Variants in PDIA2 observed in about 807,000 individuals in gnomAD.
PDIA2 encodes protein disulfide isomerase family A member 2.
A neutral mutation model predicts 51.1 loss-of-function variants in PDIA2; 76 were observed. The observed-to-expected ratio is 1.49, with a 90% CI of 1.24 to 1.80. The LOEUF is 1.80. Among genes scored for constraint, PDIA2 ranks in the 40% most tolerant of loss-of-function variants. PDIA2 has a pLI of 0.00. For missense variants in PDIA2, 946 were observed against 706.5 expected, an observed-to-expected ratio of 1.34 and a Z score of -3.84; for synonymous variants, 429 against 309.9, an observed-to-expected ratio of 1.38 and a Z score of -4.04.
In PDIA2 at chr16:285,313, C is replaced by T. The variant is rs147960863; in HGVS notation, c.797C>T (p.Thr266Met). The change falls in exon 6 of 11, where the codon ACG becomes ATG. Residue 266 changes from threonine to methionine, a missense_variant and splice_region_variant. Physicochemically the swap from Thr to Met is moderately conservative, Grantham distance 81. Coordinates refer to ENST00000219406, the MANE Select transcript of PDIA2 (RefSeq NM_006849.4). ...MRLVTEFNSQTSAKIFAARIL... is the reference protein window; with the variant it reads ...MRLVTEFNSQMSAKIFAARIL... The stretch of plus-strand genomic sequence containing the variant: ...TCATGAGCACCCTCCCTACTGTAGA[C>T]GTCTGCCAAGATCTTCGCGGCCAGG... 61 of 1,612,748 alleles carry T rather than the reference C, an allele frequency of 3.8e-5. No individual in the cohort carries two copies. Among genetic ancestry groups the T allele is most frequent in the Admixed American group, 1.2e-4 (7 of 59,990 alleles).
Position 285,709 on chromosome 16 carries a change from C to T in PDIA2, c.1119+6C>T. ...TCCTCAACGGCCAAGTCAAGGTCCG[C>T]TGCAGACTGCTCATAATGGAAGGGG... On this transcript the variant is annotated splice_donor_region_variant and intron_variant, in intron 7 of 10. Transcript: ENST00000219406. 1 of 1,611,724 alleles carries T rather than the reference C, an allele frequency of 6.2e-7. No homozygotes were observed. The highest frequency in any genetic ancestry group is 8.5e-7 in the Non-Finnish European group (1 of 1,179,406).
At chr16:284,816 C>G (rs567851675) in intron 3 of PDIA2, 24 bp downstream of exon 3, 1 of 1,590,398 alleles carries the variant, frequency 6.3e-7, no homozygotes, top group South Asian at 1.1e-5. Context: ...CATGGGGGGC[C>G]GGGCCATGAG....
In PDIA2 at chr16:286,537, A is replaced by G. The variant is rs1421995500; in HGVS notation, c.1241-17A>G. ...AGGGGCTGCCCAGATGGCTGTGCTC[A>G]ACGGCTCCCATCCTAGATGCCCCGT... On this transcript the variant is annotated splice_polypyrimidine_tract_variant and intron_variant, in intron 8 of 10. Transcript: ENST00000219406. 5 of 1,612,236 alleles carry G rather than the reference A, an allele frequency of 3.1e-6. No individual in the cohort carries two copies. Among genetic ancestry groups the G allele is most frequent in the Admixed American group, 1.7e-5 (1 of 59,952 alleles).
In PDIA2 at chr16:287,070, A is replaced by C. The variant is rs199996785; in HGVS notation, c.1535A>C (p.Glu512Ala). 2 of 1,612,708 alleles carry C rather than the reference A, an allele frequency of 1.2e-6. No individual in the cohort carries two copies. Among genetic ancestry groups the C allele is most frequent in the Admixed American group, 3.3e-5 (2 of 60,020 alleles). ...PPEEPAAPFP[E>A]PPANSTMGSK... The stretch of plus-strand genomic sequence containing the variant: ...AGCTGCACTTGTGACCCTTTCTAGG[A>C]GCCACCGGCCAACTCCACTATGGGG... The change falls in exon 11 of 11, where the codon GAG becomes GCG. Residue 512 changes from glutamate (E) to alanine (A), a missense_variant and splice_region_variant. Coordinates refer to ENST00000219406, the MANE Select transcript of PDIA2 (RefSeq NM_006849.4).
rs758749924 is a variant in PDIA2 at position 285,345 on chromosome 16, A to G, written c.829A>G (p.Asn277Asp). ...SAKIFAARIL[N>D]HLLLFVNQTL... ...CAAGATCTTCGCGGCCAGGATCCTC[A>G]ACCACCTGCTGCTGTTTGTCAACCA... The change falls in exon 6 of 11, where the codon AAC (asparagine) becomes GAC (aspartate). Residue 277 changes from asparagine (N) to aspartate (D), a missense_variant. By Grantham distance (23) the Asn-to-Asp change is conservative. Transcript: ENST00000219406. 2 of 1,612,852 alleles carry G rather than the reference A, an allele frequency of 1.2e-6. No individual in the cohort carries two copies. Among genetic ancestry groups the G allele is most frequent in the South Asian group, 2.2e-5 (2 of 91,070 alleles).
At position 285,335 on chromosome 16, in the gene PDIA2, C is replaced by A. The variant is rs1247381591; in HGVS notation, c.819C>A (p.Ala273=). The part of the protein sequence containing the change: ...NSQTSAKIFA[A]RILNHLLLFV... ...AGACGTCTGCCAAGATCTTCGCGGC[C>A]AGGATCCTCAACCACCTGCTGCTGT... is the stretch of plus-strand genomic sequence containing the variant. The change falls in exon 6 of 11, where the codon GCC becomes GCA. Residue 273 remains alanine, a synonymous_variant. Coordinates refer to ENST00000219406, the MANE Select transcript of PDIA2 (RefSeq NM_006849.4). 1 of 1,612,732 alleles carries A rather than the reference C, an allele frequency of 6.2e-7. No homozygotes were observed. Among genetic ancestry groups the A allele is most frequent in the Admixed American group, 1.7e-5 (1 of 59,964 alleles).
At position 285,095 on chromosome 16, in the gene PDIA2, G is replaced by A. The variant is rs202013146; in HGVS notation, c.690G>A (p.Gly230=). 281 of 1,613,032 alleles carry A rather than the reference G, an allele frequency of 1.7e-4. 2 individuals are homozygous for A. In the Admixed American group the frequency reaches 4.5e-3, roughly 26 times the overall value. ...CTGCTGCTGTCCAGTTTGATGAGGG[G>A]CGGGCAGACTTCCCCGTGGACGAGG... ...TVVLFKKFDE[G]RADFPVDEEL... The change falls in exon 5 of 11, where the codon GGG becomes GGA. Residue 230 remains glycine, a synonymous_variant. Coordinates refer to ENST00000219406, the MANE Select transcript of PDIA2 (RefSeq NM_006849.4).
At position 284,452 on chromosome 16, in the gene PDIA2, G is replaced by A. The variant is rs1232202844; in HGVS notation, c.265G>A (p.Ala89Thr). The change falls in exon 2 of 11, where the codon GCG (alanine) becomes ACG (threonine). Residue 89 changes from alanine to threonine, a missense_variant. Physicochemically the swap from Ala to Thr is moderately conservative, Grantham distance 58. Transcript: ENST00000219406. ...GTACAGCAAGGCAGCTGCCGTGCTC[G>A]CGGCCGAGTCAATGGTGGTCACGCT... ...PEYSKAAAVL[A>T]AESMVVTLAK... 26 of 1,598,578 alleles carry A rather than the reference G, an allele frequency of 1.6e-5. No homozygotes were observed. Among genetic ancestry groups the A allele is most frequent in the East Asian group, 9.0e-5 (4 of 44,344 alleles).
chr16:284,981 G>A lies in PDIA2; in HGVS notation c.644G>A (p.Gly215Asp). The change falls in exon 4 of 11, where the codon GGC becomes GAC. Residue 215 changes from glycine to aspartate, a missense_variant. Physicochemically the swap from Gly to Asp is moderately conservative, Grantham distance 94 (BLOSUM62 -1). Transcript: ENST00000219406. Reference protein sequence around the residue: ...TDRPRLFQQFGLTKDTVVLFK... With the variant: ...TDRPRLFQQFDLTKDTVVLFK... ...CGGCCGCGGCTCTTTCAGCAGTTTG[G>A]CCTCACCAAGGACACTGTGGTTCTC... 1 of 1,613,424 alleles carries A rather than the reference G, an allele frequency of 6.2e-7. No homozygotes were observed. The highest frequency in any genetic ancestry group is 8.5e-7 in the Non-Finnish European group (1 of 1,180,024).
chr16:286,533 G>A lies in PDIA2; in HGVS notation c.1241-21G>A, dbSNP rs1475173639. On this transcript the variant is annotated intron_variant, in intron 8 of 10. Coordinates refer to ENST00000219406, the MANE Select transcript of PDIA2 (RefSeq NM_006849.4). ...GGGCAGGGGCTGCCCAGATGGCTGT[G>A]CTCAACGGCTCCCATCCTAGATGCC... 2.5e-6 allele frequency: 4 copies of A among 1,612,586 alleles called. No individual in the cohort carries two copies. The South Asian group carries it at 3.3e-5, about 13-fold the overall frequency.
Position 284,889 on chromosome 16 carries a change from C to A in PDIA2, c.552C>A (p.Asp184Glu), listed in dbSNP as rs375612067. ...VVIGFFQDLQ[D>E]EDVATFLALA... ...GCCAGGCCCCTCAGGACCTGCAGGA[C>A]GAGGACGTGGCCACCTTCTTGGCCT... Residue 184 changes from aspartate (D) to glutamate (E), a missense_variant, in exon 4 of 11, where the codon GAC becomes GAA. By Grantham distance (45) the Asp-to-Glu change is conservative. Coordinates refer to ENST00000219406, the MANE Select transcript of PDIA2 (RefSeq NM_006849.4). The A allele has an allele frequency of 3.0e-5, 48 of 1,612,484 alleles. No homozygotes were observed. Among genetic ancestry groups the A allele is most frequent in the Non-Finnish European group, 4.0e-5 (47 of 1,179,660 alleles).
intron 7 of PDIA2, 52 bp from the exon 8 acceptor site, chr16:286,301 C>G (rs1176581028): frequency 6.8e-7 from 1 of 1,463,732 alleles, no homozygotes; most frequent in African/African-American, 1.6e-5. Context: ...CACAGGACCT[C>G]CTGAACCCTG....
At position 285,641 on chromosome 16, in the gene PDIA2, G is replaced by T; in HGVS notation, c.1057G>T (p.Gly353Cys). ...TAAGAAGTATGCGCCTGTGGATGGG[G>T]GCCCTGTCACCGCAGCGTCCATCAC... ...TTKKYAPVDG[G>C]PVTAASITAF... Residue 353 changes from glycine (G) to cysteine (C), a missense_variant, in exon 7 of 11, where the codon GGC (glycine) becomes TGC (cysteine). Transcript: ENST00000219406. 1.2e-6 allele frequency: 2 copies of T among 1,613,324 alleles called. No homozygotes were observed. Among genetic ancestry groups the T allele is most frequent in the Non-Finnish European group, 8.5e-7 (1 of 1,179,966 alleles).
At chr16:284,121 G>T in intron 1 of PDIA2, 1 of 545,638 alleles carries the variant, frequency 1.8e-6, no homozygotes, top group Non-Finnish European at 3.3e-6. Context: ...GCCCGCCTCT[G>T]CCTCCCAAAG....
Position 285,524 on chromosome 16 carries a change from G to C in PDIA2, c.940G>C (p.Asp314His). 2 of 1,612,964 alleles carry C rather than the reference G, an allele frequency of 1.2e-6. No homozygotes were observed. Among genetic ancestry groups the C allele is most frequent in the East Asian group, 2.2e-5 (1 of 44,886 alleles). The change falls in exon 7 of 11, where the codon GAC becomes CAC. Residue 314 changes from aspartate to histidine, a missense_variant. Asp to His is a moderately conservative substitution (Grantham distance 81). Transcript: ENST00000219406. ...GCCACAGGTGCTGTTCGTGGTGGTG[G>C]ACGTGGCGGCCGACAATGAGCACGT... ...FRGQVLFVVV[D>H]VAADNEHVLQ...
At chr16:284,841 G>C in intron 3 of PDIA2, 37 bp from the exon 4 acceptor site, 2 of 1,606,946 alleles carry the variant, frequency 1.2e-6, no homozygotes, top group South Asian at 1.1e-5. Flanking sequence ...GTGACTGTGG[G>C]TGGGACCGGG....
rs1354614653 is a variant in PDIA2, at chr16:287,134, C to CCAT, written c.*24_*26dup. The CCAT allele has an allele frequency of 7.4e-6, 12 of 1,611,702 alleles. No individual in the cohort carries two copies. Among genetic ancestry groups the CCAT allele is most frequent in the Admixed American group, 1.7e-5 (1 of 59,970 alleles). The stretch of plus-strand genomic sequence containing the variant: ...TGTAGCTGCCCCCGTGTCACCCCCG[C>CCAT]CATCACTGCTGGACAGGAGCCACCC... On this transcript the variant is annotated 3_prime_UTR_variant, in exon 11 of 11. Coordinates refer to ENST00000219406, the MANE Select transcript of PDIA2 (RefSeq NM_006849.4).
Position 284,374 on chromosome 16 carries a change from C to A in PDIA2, c.200-13C>A, listed in dbSNP as rs780569733. 2.3e-5 allele frequency: 35 copies of A among 1,542,694 alleles called. No homozygotes were observed. The highest frequency in any genetic ancestry group is 3.0e-5 in the Non-Finnish European group (34 of 1,150,396). ...TTGTGGTGGCCTGGGGCACTCACGG[C>A]CCCATCCCCCAGATGCCCCGTGGTG... On this transcript the variant is annotated splice_polypyrimidine_tract_variant and intron_variant, in intron 1 of 10. Coordinates refer to ENST00000219406, the MANE Select transcript of PDIA2 (RefSeq NM_006849.4).
intron 6 of PDIA2, 26 bp from the exon 7 acceptor site, chr16:285,480 G>A (rs775607307): frequency 5.0e-6 from 8 of 1,612,010 alleles, no homozygotes; most frequent in Non-Finnish European, 6.8e-6. Flanking sequence ...AGAGTGGCCG[G>A]TGCCAGCATG....
Sources: allele counts gnomAD v4.1 joint callset, GRCh38; gene constraint gnomAD v4.1.1; transcripts MANE v1.5; gene names NCBI Gene and HGNC (gene_info 2026-07-23, HGNC 2026-07-21).